PIK3R6: variants seen among roughly 807,000 people sequenced by gnomAD.
PIK3R6 encodes the protein phosphoinositide-3-kinase regulatory subunit 6.
In PIK3R6, 91 loss-of-function variants were observed where a neutral mutation model predicts 84.9. The observed-to-expected ratio is 1.07, with a 90% CI of 0.90 to 1.28. The LOEUF (loss-of-function observed/expected upper bound fraction) is 1.28, where lower values mean the gene tolerates loss of function less well. Ranked by LOEUF, PIK3R6 falls within the 50% of genes most tolerant of loss-of-function variation. The pLI, the probability that PIK3R6 is intolerant of heterozygous loss-of-function variation, is 0.00. For synonymous variants in PIK3R6, 416 were observed against 411.4 expected, an observed-to-expected ratio of 1.01 and a Z score of -0.13; for missense variants, 996 against 985.1, an observed-to-expected ratio of 1.01 and a Z score of -0.15.
intron 9 of PIK3R6, among the ~76,000 whole-genome samples, chr17:8,831,530 T>C (rs959398314): frequency 3.3e-5 from 5 of 151,994 alleles, no homozygotes; most frequent in African/African-American, 9.7e-5. Flanking sequence ...GGAGGAGCTT[T>C]TTCCATGTGG....
chr17:8,829,417 C>G (rs536284246), intron 10 of PIK3R6, among the ~76,000 whole-genome samples: 1 of 150,474 alleles, frequency 6.6e-6, no homozygotes, highest in African/African-American at 2.5e-5. Flanking sequence ...CACACAGACA[C>G]ACTGACACAC....
At position 8,862,740 on chromosome 17, in the gene PIK3R6, G is replaced by A. The variant is rs575855427; in HGVS notation, c.-92+4789C>T. Among the ~76,000 whole-genome samples the A allele has an allele frequency of 1.3e-3, 194 of 152,252 alleles. 7 individuals are homozygous for A. The highest frequency in any genetic ancestry group is 8.3e-4 in the South Asian group (4 of 4,818). On this transcript the variant is annotated intron_variant, in intron 1 of 19. Transcript: ENST00000619866. This position sits in a 1 kb window ranked among gnomAD's most constrained non-coding sequence, Gnocchi z 4.3. ...AAATTCCTCTCCCTCCCCCCGTAGC[G>A]CAAGAATACGACATTACAGGACAGC...
At position 8,828,136 on chromosome 17, in the gene PIK3R6, G is replaced by C. The variant is rs754400988; in HGVS notation, c.1368C>G (p.Tyr456Ter). The C allele has an allele frequency of 1.2e-6, 2 of 1,614,014 alleles. No homozygotes were observed. Among genetic ancestry groups the C allele is most frequent in the Non-Finnish European group, 1.7e-6 (2 of 1,179,880 alleles). Residue 456 changes from tyrosine to a stop codon, truncating the protein, a stop_gained, in exon 12 of 20, where the codon TAC becomes TAG. Coordinates refer to ENST00000619866, the MANE Select transcript of PIK3R6 (RefSeq NM_001010855.4). LOFTEE classifies it high-confidence loss of function. ...CCTCAGGCGCCAGCACGGGGATGTA[G>C]TAGAGCTGCAGGCTGAGTCTGGGAG... Reference protein sequence around the residue: ...CLTPRLSLQLYYIPVLAPEKP... With the variant: ...CLTPRLSLQL
chr17:8,853,287 C>T (rs868417197), intron 1 of PIK3R6, among the ~76,000 whole-genome samples: 7 of 151,300 alleles, frequency 4.6e-5, no homozygotes, highest in African/African-American at 7.3e-5. Context: ...AGATGGAGAC[C>T]ATCCTGGCTA....
chr17:8,827,350 C>T, intron 12 of PIK3R6, 56 bp from the exon 13 acceptor site: 1 of 1,528,962 alleles, frequency 6.5e-7, no homozygotes, highest in South Asian at 1.2e-5. Flanking sequence ...CTCTGCCTTC[C>T]AGCTGCCATC....
intron 1 of PIK3R6, among the ~76,000 whole-genome samples, chr17:8,851,328 T>G (rs183579379): frequency 6.6e-6 from 1 of 152,184 alleles, no homozygotes; most frequent in Non-Finnish European, 1.5e-5. Context: ...AAACCCTGTC[T>G]CTACTAAAAA....
At chr17:8,815,771 A>G (rs1041668328) in intron 18 of PIK3R6, among the ~76,000 whole-genome samples, 9 of 152,174 alleles carry the variant, frequency 5.9e-5, no homozygotes, top group African/African-American at 2.2e-4. Flanking sequence ...AAACAGACAA[A>G]CAAACAAACA....
chr17:8,833,151 G>A lies in PIK3R6; in HGVS notation c.646-106C>T, dbSNP rs898072578. 7.1e-6 allele frequency: 10 copies of A among 1,400,972 alleles called. No homozygotes were observed. In the African/African-American group the frequency reaches 8.7e-5, roughly 12 times the overall value. The allele number at this position is 1,400,972 out of a possible 1,614,324, so 86.8% of individuals were successfully genotyped here. ...TGGCAGCCCAAGGTGACACCTCTCCGCTGCCCCTGGGGGCCCGGCAGGAGC... is the reference window on the plus strand; with the variant it reads ...TGGCAGCCCAAGGTGACACCTCTCCACTGCCCCTGGGGGCCCGGCAGGAGC... On this transcript the variant is annotated intron_variant, in intron 8 of 19. Transcript: ENST00000619866.
At chr17:8,806,270 A>G (rs1321891577) in intron 18 of PIK3R6, among the ~76,000 whole-genome samples, 1 of 152,196 alleles carries the variant, frequency 6.6e-6, no homozygotes, top group Non-Finnish European at 1.5e-5. Context: ...GACCCACTGA[A>G]GCCTGCACAG....
In PIK3R6 at chr17:8,831,569, A is replaced by G. The variant is rs530576136; in HGVS notation, c.802+1320T>C. Among the ~76,000 whole-genome samples the G allele has an allele frequency of 4.6e-5, 7 of 152,206 alleles. No individual in the cohort carries two copies. In the South Asian group the frequency reaches 1.2e-3, roughly 27 times the overall value. On this transcript the variant is annotated intron_variant, in intron 9 of 19. Transcript: ENST00000619866. ...CAGAGGCAGTGTAGAATGTTAAAGTAAAAGAGCGGACAACTTCGAAGATGG... is the reference window on the plus strand; with the variant it reads ...CAGAGGCAGTGTAGAATGTTAAAGTGAAAGAGCGGACAACTTCGAAGATGG...
intron 1 of PIK3R6, among the ~76,000 whole-genome samples, chr17:8,864,179 A>G (rs977916019): frequency 1.3e-5 from 2 of 152,198 alleles, no homozygotes; most frequent in Non-Finnish European, 2.9e-5. Context: ...TTTGCTGTCA[A>G]TATAATAGAG....
Position 8,803,116 on chromosome 17 carries a change from C to T in PIK3R6, c.*157G>A. 1.1e-6 allele frequency: 1 copy of T among 895,328 alleles called. No individual in the cohort carries two copies. The highest frequency in any genetic ancestry group is 2.6e-5 in the East Asian group (1 of 37,742). The allele number at this position is 895,328 out of a possible 1,614,324, so 55.5% of individuals were successfully genotyped here. A position where few individuals can be genotyped will look rare whatever the true frequency, so the allele number is the denominator to read the frequency against. ...CATGTGGGCCCTTCCTCATCACAGT[C>T]CCCAGGGTAGGCTCCCTGTGCTCCC... On this transcript the variant is annotated 3_prime_UTR_variant, in exon 20 of 20. Coordinates refer to ENST00000619866, the MANE Select transcript of PIK3R6 (RefSeq NM_001010855.4). The surrounding 1 kb of genome is among the most constrained non-coding windows in gnomAD (Gnocchi z 5.0).
Position 8,828,250 on chromosome 17 carries a change from G to T in PIK3R6, c.1314-60C>A, listed in dbSNP as rs527989281. The T allele has an allele frequency of 5.9e-6, 9 of 1,526,260 alleles. No homozygotes were observed. The South Asian group carries it at 1.0e-4, about 17-fold the overall frequency. The allele number at this position is 1,526,260 out of a possible 1,614,324, so 94.5% of individuals were successfully genotyped here. ...GCGGGGCTTGGCTTCAAACAGACTC[G>T]GCTCTGCTATTTGTTATCTCTTGAC... On this transcript the variant is annotated intron_variant, in intron 11 of 19. Transcript: ENST00000619866.
Position 8,838,589 on chromosome 17 carries a change from C to T in PIK3R6, c.164G>A (p.Arg55His), listed in dbSNP as rs574711552. 5.0e-6 allele frequency: 8 copies of T among 1,604,322 alleles called. No homozygotes were observed. Among genetic ancestry groups the T allele is most frequent in the Non-Finnish European group, 6.0e-6 (7 of 1,175,374 alleles). ...RDPGKSPVLV[R>H]ILLRELEKAE... is the part of the protein sequence containing the mutation. ...CTTCTCCAGTTCTCTGAGAAGAATGCGGACCAGCACTGGGCTCTTACCGGG... is the reference window on the plus strand; with the variant it reads ...CTTCTCCAGTTCTCTGAGAAGAATGTGGACCAGCACTGGGCTCTTACCGGG... Residue 55 changes from arginine (R) to histidine (H), a missense_variant, in exon 4 of 20, where the codon CGC becomes CAC. By Grantham distance (29) the Arg-to-His change is conservative (BLOSUM62 0). Transcript: ENST00000619866.
rs750380318 is a variant in PIK3R6, at chr17:8,835,410, T to G, written c.508A>C (p.Ser170Arg). The G allele has an allele frequency of 1.2e-6, 2 of 1,606,688 alleles. No homozygotes were observed. The highest frequency in any genetic ancestry group is 2.2e-5 in the East Asian group (1 of 44,700). ...GCCTCGATCTCCAGTAGCAGAGCAC[T>G]GCACACAGACGCAGACACCAGCTCA... The part of the protein sequence containing the change: ...DPELVSASVC[S>R]ALLLEIEAAQ... The change falls in exon 8 of 20, where the codon AGT (serine) becomes CGT (arginine). Residue 170 changes from serine (S) to arginine (R), a missense_variant. Physicochemically the swap from Ser to Arg is moderately radical, Grantham distance 110 (BLOSUM62 -1). Transcript: ENST00000619866.
chr17:8,819,359 G>A (rs752065091), intron 17 of PIK3R6, among the ~76,000 whole-genome samples, 161 bp from the exon 18 acceptor site: 30 of 151,956 alleles, frequency 2.0e-4, no homozygotes, highest in African/African-American at 4.8e-4. Context: ...GCCAAGTTAC[G>A]TTTCCTTCTC....
chr17:8,821,605 C>T (rs2087734661), intron 17 of PIK3R6, among the ~76,000 whole-genome samples: 1 of 152,196 alleles, frequency 6.6e-6, no homozygotes, highest in Non-Finnish European at 1.5e-5. Flanking sequence ...TGCAACCCCT[C>T]CCCGGAGTCC....
At chr17:8,832,793 G>C in intron 9 of PIK3R6, 96 bp downstream of exon 9, 1 of 1,567,290 alleles carries the variant, frequency 6.4e-7, no homozygotes, top group Non-Finnish European at 8.7e-7. Flanking sequence ...CACCCAGACA[G>C]AGGCAGGTCC....
chr17:8,836,074 C>T (rs956342514), intron 7 of PIK3R6, among the ~76,000 whole-genome samples: 6 of 152,324 alleles, frequency 3.9e-5, no homozygotes, highest in South Asian at 4.1e-4. Context: ...CTCCCCAACA[C>T]GAGCAGGGGA....
Sources: allele counts gnomAD v4.1 joint callset (sites outside exome capture counted in the v4.1 genomes callset), GRCh38; gene constraint gnomAD v4.1.1; non-coding constraint Gnocchi (gnomAD v3.1); transcripts MANE v1.5; gene names NCBI Gene and HGNC (gene_info 2026-07-23, HGNC 2026-07-21).